Variants in RHD observed in about 807,000 individuals in gnomAD.
RHD encodes blood group Rh(D) polypeptide.
Under a neutral mutation model 45.5 loss-of-function variants are expected in RHD, and 16 were observed. The ratio of observed to expected loss-of-function variants is 0.35; its 90% CI spans 0.24 to 0.53. The LOEUF is 0.53. Among genes scored for constraint, RHD ranks in the 20% least tolerant of loss-of-function variants. The pLI is 0.92. For synonymous variants in RHD, 131 were observed against 217.5 expected (o/e 0.60, Z 3.50); for missense variants, 306 against 532.0 (o/e 0.58, Z 4.18).
At chr1:25,314,971 G>C (rs547485766) in intron 7 of RHD, among the ~76,000 whole-genome samples, 1 of 130,438 alleles carries the variant, frequency 7.7e-6, no homozygotes, top group South Asian at 2.4e-4. Flanking sequence ...TTGGGAGGCT[G>C]AGGCTGGCGG....
rs1396933897 is a variant in RHD, at chr1:25,318,933, GC to G, written c.1153+1855del. ...CTTTAATATACCATGTCTGGCCTTA[GC>G]TTTTTGCAGAGTCTTTGTGAAGAAG... On this transcript the variant is annotated intron_variant, in intron 8 of 9. Transcript: ENST00000328664. 5.3e-5 allele frequency among the ~76,000 whole-genome samples: 7 copies of G among 133,110 alleles called. 2 individuals are homozygous for G. The highest frequency in any genetic ancestry group is 5.1e-4 in the Admixed American group (7 of 13,636). 87.3% of individuals were successfully genotyped at this position (133,110 alleles called of 152,430 possible).
At position 25,306,418 on chromosome 1, in the gene RHD, A is replaced by G. The variant is rs1224612826; in HGVS notation, c.940-178A>G. On this transcript the variant is annotated intron_variant, in intron 6 of 9. Coordinates refer to ENST00000328664, the MANE Select transcript of RHD (RefSeq NM_016124.6). Reference sequence around the variant, plus strand: ...CCACATCCACTAAAGCCAGCTCTTCATTTCAACAAACTCCCCGATGATGTG... The same window carrying G: ...CCACATCCACTAAAGCCAGCTCTTCGTTTCAACAAACTCCCCGATGATGTG... 1.5e-5 allele frequency among the ~76,000 whole-genome samples: 2 copies of G among 131,726 alleles called. 1 individual carries two copies. The highest frequency in any genetic ancestry group is 3.6e-5 in the Non-Finnish European group (2 of 55,800). The allele number at this position is 131,726 out of a possible 152,430, so 86.4% of individuals were successfully genotyped here.
rs151077941 is a variant in RHD, at chr1:25,318,480, G to C, written c.1153+1401G>C. On this transcript the variant is annotated intron_variant, in intron 8 of 9. Transcript: ENST00000328664. The stretch of plus-strand genomic sequence containing the variant: ...GCGTGTGCCTGTAGTCCCAGCTACT[G>C]GGGAGGCTGAAGTAGGGGAATGGCT... 1.3e-4 allele frequency among the ~76,000 whole-genome samples: 17 copies of C among 130,684 alleles called. 1 individual carries two copies. The East Asian group carries it at 1.4e-3, about 11-fold the overall frequency. 85.7% of individuals were successfully genotyped at this position (130,684 alleles called of 152,430 possible). A position where few individuals can be genotyped will look rare whatever the true frequency, so the allele number is the denominator to read the frequency against.
chr1:25,282,652 C>G lies in RHD; in HGVS notation c.149-1921C>G, dbSNP rs1036543934. 2.3e-5 allele frequency among the ~76,000 whole-genome samples: 3 copies of G among 132,220 alleles called. 1 individual carries two copies. The highest frequency in any genetic ancestry group is 7.7e-5 in the African/African-American group (3 of 38,848). The allele number at this position is 132,220 out of a possible 152,430, so 86.7% of individuals were successfully genotyped here. A position where few individuals can be genotyped will look rare whatever the true frequency, so the allele number is the denominator to read the frequency against. ...TGAAAAACATTGTCTAGGCTGGGCA[C>G]GATGGCTCATGCCTGTAATCCCAGC... On this transcript the variant is annotated intron_variant, in intron 1 of 9. Coordinates refer to ENST00000328664, the MANE Select transcript of RHD (RefSeq NM_016124.6).
rs1258303280 is a variant in RHD at position 25,309,352 on chromosome 1, G to A, written c.1073+2623G>A. ...AGAAAAGAAAGTCCCCACTTGGCCT[G>A]AGAATCTCTGCACCCTTCTAGCTCT... On this transcript the variant is annotated intron_variant, in intron 7 of 9. Transcript: ENST00000328664. Among the ~76,000 whole-genome samples the A allele has an allele frequency of 3.1e-5, 4 of 131,138 alleles. 1 individual carries two copies. The highest frequency in any genetic ancestry group is 7.2e-5 in the Non-Finnish European group (4 of 55,806). The allele number at this position is 131,138 out of a possible 152,430, so 86.0% of individuals were successfully genotyped here.
chr1:25,297,613 G>A (rs1325607151), intron 3 of RHD, among the ~76,000 whole-genome samples: 1 of 130,940 alleles, frequency 7.6e-6, no homozygotes, highest in Non-Finnish European at 1.8e-5. Context: ...AAAAGCTTTC[G>A]CTTCTCTGTT....
Position 25,281,466 on chromosome 1 carries a change from T to A in RHD, c.149-3107T>A, listed in dbSNP as rs1473596261. ...ATTGCTACAAAATGGCAGATGCACT[T>A]TAACAATCGTGTTTAATAAAAGGTT... is the stretch of plus-strand genomic sequence containing the variant. On this transcript the variant is annotated intron_variant, in intron 1 of 9. Coordinates refer to ENST00000328664, the MANE Select transcript of RHD (RefSeq NM_016124.6). Among the ~76,000 whole-genome samples the A allele has an allele frequency of 2.3e-5, 3 of 132,026 alleles. 1 individual carries two copies. Among genetic ancestry groups the A allele is most frequent in the Non-Finnish European group, 5.4e-5 (3 of 55,842 alleles). 86.6% of individuals were successfully genotyped at this position (132,026 alleles called of 152,430 possible).
rs1473911008 is a variant in RHD at position 25,291,258 on chromosome 1, C to T, written c.486+467C>T. Among the ~76,000 whole-genome samples, 13 of 130,702 alleles carry T rather than the reference C, an allele frequency of 9.9e-5. 3 individuals are homozygous for T. The highest frequency in any genetic ancestry group is 6.7e-4 in the Admixed American group (9 of 13,450). The allele number at this position is 130,702 out of a possible 152,430, so 85.7% of individuals were successfully genotyped here. A position where few individuals can be genotyped will look rare whatever the true frequency, so the allele number is the denominator to read the frequency against. On this transcript the variant is annotated intron_variant, in intron 3 of 9. Transcript: ENST00000328664. ...CCAAGGAGGGCAGATCACCTGAGGT[C>T]AGGAGTTCAAGACCAGCCTGGTCAA...
At chr1:25,307,708 T>C (rs1052678383) in intron 7 of RHD, 1 of 1,308,346 alleles carries the variant, frequency 7.6e-7, no homozygotes, top group African/African-American at 1.5e-5. Flanking sequence ...GCTGATGCGT[T>C]TGGACGTGTC....
rs1236216944 is a variant in RHD at position 25,280,232 on chromosome 1, A to T, written c.149-4341A>T. 1.6e-5 allele frequency among the ~76,000 whole-genome samples: 2 copies of T among 128,068 alleles called. 1 individual carries two copies. The highest frequency in any genetic ancestry group is 3.7e-5 in the Non-Finnish European group (2 of 54,722). 84.0% of individuals were successfully genotyped at this position (128,068 alleles called of 152,430 possible). On this transcript the variant is annotated intron_variant, in intron 1 of 9. Coordinates refer to ENST00000328664, the MANE Select transcript of RHD (RefSeq NM_016124.6). The stretch of plus-strand genomic sequence containing the variant: ...GAAGGCCCTGAGCGCGTATACCTGG[A>T]ATCAGGGAATCGGGATCAGGGGCAG...
intron 1 of RHD, among the ~76,000 whole-genome samples, chr1:25,280,222 G>A (rs78627984): frequency 0.012 from 1,501 of 124,710 alleles, 319 homozygotes; most frequent in Non-Finnish European, 0.018. Context: ...CCCTGAGCGC[G>A]TATACCTGGA....
chr1:25,316,789 A>G (rs1451044038), intron 7 of RHD, among the ~76,000 whole-genome samples: 1 of 79,298 alleles, frequency 1.3e-5, no homozygotes, highest in African/African-American at 3.5e-5. Flanking sequence ...AATAAGCCAC[A>G]ATCTTGGAAT....
intron 6 of RHD, among the ~76,000 whole-genome samples, chr1:25,306,146 C>G (rs1200340172): frequency 7.6e-6 from 1 of 131,542 alleles, no homozygotes; most frequent in East Asian, 2.0e-4. Context: ...CAGGGGACAT[C>G]TTACAATGTC....
chr1:25,320,257 A>T (rs28628791), intron 8 of RHD, among the ~76,000 whole-genome samples: 1 of 130,128 alleles, frequency 7.7e-6, no homozygotes, highest in African/African-American at 2.6e-5. Context: ...AGAGATTAGA[A>T]CAACAACCCT....
rs41300142 is a variant in RHD, at chr1:25,306,709, C to T, written c.1053C>T (p.Thr351=). The T allele has an allele frequency of 1.1e-4, 147 of 1,377,810 alleles. 30 individuals are homozygous for T. The highest frequency in any genetic ancestry group is 6.1e-4 in the African/African-American group (43 of 69,978). The allele number at this position is 1,377,810 out of a possible 1,614,324, so 85.3% of individuals were successfully genotyped here. Residue 351 remains threonine, a synonymous_variant, in exon 7 of 10, where the codon ACC becomes ACT. Transcript: ENST00000328664. ...ACATTGTGCTGCTGGTGCTTGATAC[C>T]GTCGGAGCCGGCAATGGCATGTGGG... ...IIYIVLLVLD[T]VGAGNGMIGF...
At chr1:25,287,626 C>T (rs1642148181) in intron 2 of RHD, among the ~76,000 whole-genome samples, 1 of 135,472 alleles carries the variant, frequency 7.4e-6, no homozygotes, top group African/African-American at 2.5e-5. Context: ...TCTTATTCAA[C>T]GTTGTTGTTT....
intron 3 of RHD, among the ~76,000 whole-genome samples, chr1:25,297,475 C>G (rs1015313811): frequency 8.9e-6 from 1 of 112,986 alleles, no homozygotes; most frequent in African/African-American, 3.0e-5. Context: ...TCCTGTTGAT[C>G]ATCCAACTTT....
At chr1:25,280,089 C>T (rs1641341087) in intron 1 of RHD, among the ~76,000 whole-genome samples, 1 of 128,834 alleles carries the variant, frequency 7.8e-6, no homozygotes, top group South Asian at 2.4e-4. Flanking sequence ...AATGTTATTT[C>T]CTGACCAGTT....
intron 6 of RHD, chr1:25,304,517 G>C (rs928139615): frequency 3.1e-5 from 4 of 129,032 alleles, no homozygotes; most frequent in African/African-American, 1.1e-4. Context: ...AGAATCACTT[G>C]AACCTGGGAG....
Sources: allele counts gnomAD v4.1 joint callset (sites outside exome capture counted in the v4.1 genomes callset), GRCh38; gene constraint gnomAD v4.1.1; transcripts MANE v1.5; gene names NCBI Gene and HGNC (gene_info 2026-07-23, HGNC 2026-07-21).